The following ROBO2 variants were observed in gnomAD, a reference collection of about 807,000 sequenced individuals.
ROBO2 encodes the protein roundabout guidance receptor 2.
ROBO2 carries 53 observed loss-of-function variants against 160.8 expected under a neutral mutation model. The ratio of observed to expected loss-of-function variants is 0.33; its 90% CI spans 0.26 to 0.41. The LOEUF (loss-of-function observed/expected upper bound fraction) is 0.41, where lower values mean the gene tolerates loss of function less well. ROBO2 is among the 10% of genes least tolerant of loss of function. ROBO2 has a pLI of 1.00. For missense variants in ROBO2, 1,577 were observed against 1,722.4 expected, an observed-to-expected ratio of 0.92 and a Z score of 1.49; for synonymous variants, 664 against 611.7, an observed-to-expected ratio of 1.09 and a Z score of -1.26.
chr3:77,376,154 C>CTTTCT (rs2072620806), intron 2 of ROBO2, among the ~76,000 whole-genome samples: 1 of 115,524 alleles, frequency 8.7e-6, no homozygotes, highest in African/African-American at 3.4e-5. Context: ...ATTTAACTTT[C>CTTTCT]TTTTTTTTTT....
intron 2 of ROBO2, among the ~76,000 whole-genome samples, chr3:76,550,768 C>T (rs1400587588): frequency 2.0e-5 from 3 of 152,232 alleles, no homozygotes; most frequent in Non-Finnish European, 2.9e-5. Context: ...GCTGGCACGA[C>T]CTGGCTGAGT....
intron 2 of ROBO2, among the ~76,000 whole-genome samples, chr3:76,787,067 G>T (rs377217841): frequency 1.3e-5 from 2 of 150,940 alleles, no homozygotes; most frequent in African/African-American, 4.9e-5. Flanking sequence ...AAACAACCAG[G>T]TCTCATGAGA....
At chr3:76,304,747 CTTCT>C (rs1222058179) in intron 2 of ROBO2, among the ~76,000 whole-genome samples, 4,591 of 101,458 alleles carry the variant, frequency 0.045, 187 homozygotes, top group African/African-American at 0.11. Flanking sequence ...CTTTTCTTTC[CTTCT>C]TTCTTTCTTT....
chr3:76,156,432 T>C (rs2072413227), intron 2 of ROBO2, among the ~76,000 whole-genome samples: 1 of 152,212 alleles, frequency 6.6e-6, no homozygotes, highest in African/African-American at 2.4e-5. Flanking sequence ...GACTCCTCAT[T>C]ACACAGGTCC....
chr3:76,955,882 C>T (rs887767820), intron 2 of ROBO2, among the ~76,000 whole-genome samples: 2 of 130,796 alleles, frequency 1.5e-5, no homozygotes, highest in African/African-American at 5.6e-5. Context: ...TGCAGTGAGA[C>T]TCCGTCAAAA....
rs150042707 is a variant in ROBO2, at chr3:77,519,850, C to A, written c.807-2925C>A. 6.1e-3 allele frequency among the ~76,000 whole-genome samples: 924 copies of A among 151,466 alleles called. 12 individuals are homozygous for A. Among genetic ancestry groups the A allele is most frequent in the African/African-American group, 0.021 (851 of 41,426 alleles). On this transcript the variant is annotated intron_variant, in intron 5 of 25. Coordinates refer to ENST00000461745, the Ensembl canonical transcript of ROBO2. ...TTCTGTTTTAAGTTCTTTGAGAAAT[C>A]TCCAAACTGCTTTCCCCAATGTCTG...
At chr3:75,914,264 T>C (rs1042522778) in intron 1 of ROBO2, among the ~76,000 whole-genome samples, 3 of 152,192 alleles carry the variant, frequency 2.0e-5, no homozygotes, top group African/African-American at 4.8e-5. Context: ...AGTATCACAA[T>C]TGACCTTAAA....
At chr3:76,715,228 C>T (rs2093360456) in intron 2 of ROBO2, among the ~76,000 whole-genome samples, 1 of 152,042 alleles carries the variant, frequency 6.6e-6, no homozygotes. Context: ...AAACAACTTG[C>T]TCAAATTCTA....
chr3:76,094,003 T>A (rs2108113460), intron 2 of ROBO2, among the ~76,000 whole-genome samples: 1 of 152,142 alleles, frequency 6.6e-6, no homozygotes, highest in East Asian at 1.9e-4. Context: ...GTGAAAAAAA[T>A]TAAAAGCTAT....
intron 1 of ROBO2, among the ~76,000 whole-genome samples, chr3:77,086,521 T>C (rs962115106): frequency 6.6e-5 from 10 of 152,124 alleles, no homozygotes; most frequent in African/African-American, 9.7e-5. Flanking sequence ...CATGCACATA[T>C]CTGCACAAAA....
chr3:77,265,061 G>A (rs2059038185), intron 2 of ROBO2, among the ~76,000 whole-genome samples: 1 of 152,048 alleles, frequency 6.6e-6, no homozygotes, highest in South Asian at 2.1e-4. Context: ...TTGGAATATG[G>A]TATCATTAAA....
rs572148587 is a variant in ROBO2, at chr3:77,040,035, C to G, written c.-751C>G. ...GGCACCGCGGGGGTGTCTGCAGCCT[C>G]GGCCTCCGCCCGGCCCCTCCCTCCC... On this transcript the variant is annotated 5_prime_UTR_variant, in exon 1 of 26. Coordinates refer to ENST00000461745, the Ensembl canonical transcript of ROBO2. The G allele has an allele frequency of 1.1e-3, 935 of 882,298 alleles. 7 individuals carry two copies. In the African/African-American group the frequency reaches 0.016, roughly 15 times the overall value. The allele number at this position is 882,298 out of a possible 1,614,324, so 54.7% of individuals were successfully genotyped here. A position where few individuals can be genotyped will look rare whatever the true frequency, so the allele number is the denominator to read the frequency against.
At chr3:77,065,087 T>C (rs1253610140) in intron 1 of ROBO2, among the ~76,000 whole-genome samples, 1 of 152,088 alleles carries the variant, frequency 6.6e-6, no homozygotes, top group Non-Finnish European at 1.5e-5. Flanking sequence ...GTAAATCAAC[T>C]AGAAAAAATA....
At chr3:77,175,000 C>T (rs939253068) in intron 2 of ROBO2, among the ~76,000 whole-genome samples, 5 of 152,006 alleles carry the variant, frequency 3.3e-5, no homozygotes, top group African/African-American at 1.2e-4. Flanking sequence ...TAAAGTTGCT[C>T]ACTTCTAATA....
intron 2 of ROBO2, among the ~76,000 whole-genome samples, chr3:76,224,317 C>G (rs1036936322): frequency 4.6e-5 from 7 of 152,100 alleles, no homozygotes; most frequent in African/African-American, 1.7e-4. Context: ...GGCATAATTC[C>G]TACTTAAAAG....
intron 2 of ROBO2, among the ~76,000 whole-genome samples, chr3:76,714,911 A>G (rs2093355333): frequency 6.6e-6 from 1 of 152,168 alleles, no homozygotes; most frequent in African/African-American, 2.4e-5. Flanking sequence ...TATTGAGTAA[A>G]GAAATAAGAG....
intron 2 of ROBO2, among the ~76,000 whole-genome samples, chr3:76,867,847 G>T (rs1220279490): frequency 6.6e-6 from 1 of 152,102 alleles, no homozygotes; most frequent in Non-Finnish European, 1.5e-5. Flanking sequence ...TTTCTTTGTG[G>T]AGTTTTCGAT....
intron 2 of ROBO2, among the ~76,000 whole-genome samples, chr3:77,174,641 T>C (rs1317144721): frequency 6.6e-6 from 1 of 152,096 alleles, no homozygotes; most frequent in African/African-American, 2.4e-5. Flanking sequence ...TCATTTCCTA[T>C]TTCTGTTCTG....
intron 9 of ROBO2, among the ~76,000 whole-genome samples, chr3:77,562,393 G>A (rs1171510829): frequency 2.6e-5 from 4 of 151,732 alleles, no homozygotes; most frequent in Non-Finnish European, 5.9e-5. Flanking sequence ...AAAAGAGAGG[G>A]GCAAATTGTT....
Sources: allele counts gnomAD v4.1 joint callset (sites outside exome capture counted in the v4.1 genomes callset), GRCh38; gene constraint gnomAD v4.1.1; transcripts MANE v1.5; gene names NCBI Gene and HGNC (gene_info 2026-07-23, HGNC 2026-07-21).